CPSF3: variants seen among roughly 807,000 people sequenced by gnomAD.
CPSF3 encodes the protein cleavage and polyadenylation specificity factor subunit 3.
CPSF3 carries 57 observed loss-of-function variants against 84.1 expected under a neutral mutation model. That is an observed-to-expected ratio of 0.68 (90% CI 0.55 to 0.85). CPSF3 has a LOEUF of 0.85. Among genes scored for constraint, CPSF3 ranks in the 40% least tolerant of loss-of-function variants. The pLI, the probability that CPSF3 is intolerant of heterozygous loss-of-function variation, is 0.00. For missense variants in CPSF3, 522 were observed against 838.8 expected, an observed-to-expected ratio of 0.62 and a Z score of 4.66; for synonymous variants, 275 against 278.1, an observed-to-expected ratio of 0.99 and a Z score of 0.11.
At chr2:9,466,336 A>ACACACAGGGACG (rs1489994437) in intron 15 of CPSF3, among the ~76,000 whole-genome samples, 3 of 46,298 alleles carry the variant, frequency 6.5e-5, no homozygotes, top group African/African-American at 1.6e-4. Flanking sequence ...AGACGCACGC[A>ACACACAGGGACG]CACACGCGCG....
intron 2 of CPSF3, among the ~76,000 whole-genome samples, chr2:9,429,215 T>C (rs572314127): frequency 6.6e-6 from 1 of 152,322 alleles, no homozygotes; most frequent in Non-Finnish European, 1.5e-5. Context: ...CCTAGAAGCT[T>C]GGATCCCCAG....
intron 11 of CPSF3, among the ~76,000 whole-genome samples, chr2:9,449,022 G>A (rs1681224854): frequency 6.6e-6 from 1 of 152,096 alleles, no homozygotes; most frequent in African/African-American, 2.4e-5. Flanking sequence ...CTGAAGATAG[G>A]CTCATATCTC....
chr2:9,446,363 G>T (rs1430677236), intron 10 of CPSF3, among the ~76,000 whole-genome samples: 1 of 151,942 alleles, frequency 6.6e-6, no homozygotes, highest in African/African-American at 2.4e-5. Flanking sequence ...AGCAGATCAC[G>T]AGGTCAGGAG....
Position 9,428,838 on chromosome 2 carries a change from A to G in CPSF3, c.114+10A>G, listed in dbSNP as rs750577595. The G allele has an allele frequency of 4.9e-5, 74 of 1,495,958 alleles. No homozygotes were observed. Among genetic ancestry groups the G allele is most frequent in the Non-Finnish European group, 6.7e-5 (72 of 1,072,896 alleles). The allele number at this position is 1,495,958 out of a possible 1,614,324, so 92.7% of individuals were successfully genotyped here. ...AGGAAGAAAAATAATGGTAATTACT[A>G]TTTTTGTACTCAGTTTAATAGTATG... On this transcript the variant is annotated intron_variant, in intron 2 of 17. Coordinates refer to ENST00000238112, the MANE Select transcript of CPSF3 (RefSeq NM_016207.4).
At chr2:9,455,370 G>A (rs533372002) in intron 12 of CPSF3, among the ~76,000 whole-genome samples, 38 of 152,080 alleles carry the variant, frequency 2.5e-4, no homozygotes, top group Non-Finnish European at 4.9e-4. Context: ...TCCTGATCTC[G>A]TGATCCACCT....
chr2:9,446,232 G>T (rs1234273595), intron 10 of CPSF3, among the ~76,000 whole-genome samples: 1 of 152,116 alleles, frequency 6.6e-6, no homozygotes, highest in Non-Finnish European at 1.5e-5. Flanking sequence ...ATCACTTGAG[G>T]CCAGGAGTTC....
At chr2:9,437,660 G>T (rs950111028) in intron 7 of CPSF3, among the ~76,000 whole-genome samples, 7 of 152,164 alleles carry the variant, frequency 4.6e-5, no homozygotes, top group African/African-American at 1.7e-4. Flanking sequence ...CACATTCGGT[G>T]ATTCTAGTTG....
intron 14 of CPSF3, 34 bp downstream of exon 14, chr2:9,457,061 G>A (rs758961300): frequency 2.3e-6 from 3 of 1,286,000 alleles, no homozygotes; most frequent in South Asian, 1.3e-5. Flanking sequence ...ACAATGAGGG[G>A]AAAAAAGTTT....
At position 9,455,520 on chromosome 2, in the gene CPSF3, G is replaced by C. The variant is rs191448693; in HGVS notation, c.1505-139G>C. 102 of 615,594 alleles carry C rather than the reference G, an allele frequency of 1.7e-4. 1 individual carries two copies. In the African/African-American group the frequency reaches 1.7e-3, roughly 10 times the overall value. 38.1% of individuals were successfully genotyped at this position (615,594 alleles called of 1,614,324 possible). A position where few individuals can be genotyped will look rare whatever the true frequency, so the allele number is the denominator to read the frequency against. The stretch of plus-strand genomic sequence containing the variant: ...GAGATCAGTGGGGAAATGTAAGGTG[G>C]TACCAAATTAAGGAGCATCTTGTTA... On this transcript the variant is annotated intron_variant, in intron 12 of 17. Coordinates refer to ENST00000238112, the MANE Select transcript of CPSF3 (RefSeq NM_016207.4).
At chr2:9,462,766 C>G (rs1681774762) in intron 15 of CPSF3, among the ~76,000 whole-genome samples, 2 of 152,216 alleles carry the variant, frequency 1.3e-5, no homozygotes, top group Admixed American at 6.5e-5. Context: ...AGTAATCCCT[C>G]TTATGCTAAT....
intron 6 of CPSF3, among the ~76,000 whole-genome samples, chr2:9,434,955 G>A (rs1680723195): frequency 6.6e-6 from 1 of 152,216 alleles, no homozygotes; most frequent in Non-Finnish European, 1.5e-5. Flanking sequence ...AGCAACATGT[G>A]AGCAGATTAG....
At chr2:9,472,861 C>G in intron 17 of CPSF3, 55 bp from the exon 18 acceptor site, 2 of 1,171,642 alleles carry the variant, frequency 1.7e-6, no homozygotes, top group South Asian at 1.3e-5. Context: ...CATTTATCTT[C>G]TATATAATCA....
chr2:9,462,260 G>A (rs1336724669), intron 15 of CPSF3, among the ~76,000 whole-genome samples: 2 of 152,186 alleles, frequency 1.3e-5, no homozygotes, highest in Non-Finnish European at 2.9e-5. Context: ...CAAATCAAAT[G>A]CCACCAGGGT....
chr2:9,471,279 A>AT, intron 16 of CPSF3, 64 bp from the exon 17 acceptor site: 1 of 988,310 alleles, frequency 1.0e-6, no homozygotes, highest in South Asian at 1.3e-5. Flanking sequence ...CTTCAGTTTT[A>AT]TTTTTTCCTC....
At chr2:9,433,460 A>T (rs999789063) in intron 5 of CPSF3, among the ~76,000 whole-genome samples, 2 of 152,252 alleles carry the variant, frequency 1.3e-5, no homozygotes, top group African/African-American at 4.8e-5. Context: ...ACAAAAAATA[A>T]GTAGCACAAA....
intron 10 of CPSF3, among the ~76,000 whole-genome samples, chr2:9,444,426 GACTT>G (rs952671595): frequency 2.0e-5 from 3 of 150,258 alleles, no homozygotes; most frequent in African/African-American, 7.4e-5. Context: ...GCACCCGGCC[GACTT>G]ACTTATATTT....
chr2:9,441,918 C>G lies in CPSF3; in HGVS notation c.1037C>G (p.Thr346Ser). The G allele has an allele frequency of 6.2e-7, 1 of 1,614,074 alleles. No homozygotes were observed. The highest frequency in any genetic ancestry group is 8.5e-7 in the Non-Finnish European group (1 of 1,180,022). ...LSRELFESWCTDKRNGVIIAG... is the reference protein window; with the variant it reads ...LSRELFESWCSDKRNGVIIAG... ...AGAGAATTATTTGAAAGCTGGTGTACTGATAAGAGGAATGGTGTCATTATA... is the reference window on the plus strand; with the variant it reads ...AGAGAATTATTTGAAAGCTGGTGTAGTGATAAGAGGAATGGTGTCATTATA... The change falls in exon 9 of 18, where the codon ACT becomes AGT. Residue 346 changes from threonine (T) to serine (S), a missense_variant. By Grantham distance (58) the Thr-to-Ser change is moderately conservative. Transcript: ENST00000238112.
At chr2:9,424,114 A>G in intron 1 of CPSF3, 1 of 1,171,518 alleles carries the variant, frequency 8.5e-7, no homozygotes. Flanking sequence ...GTACACGCTA[A>G]GAAGCGTTTT....
intron 11 of CPSF3, among the ~76,000 whole-genome samples, chr2:9,450,756 C>G (rs967081729): frequency 6.6e-6 from 1 of 152,176 alleles, no homozygotes; most frequent in Non-Finnish European, 1.5e-5. Context: ...CCACTGCACT[C>G]CAGCCTGAGC....
Sources: gnomAD v4.1 joint callset for allele counts (sites outside exome capture counted in the v4.1 genomes callset) on GRCh38, gnomAD v4.1.1 for gene constraint, MANE v1.5 for transcripts, NCBI Gene and HGNC (gene_info 2026-07-23, HGNC 2026-07-21) for gene names.